Variants in TAF1A observed in about 807,000 individuals in gnomAD.
TAF1A encodes TATA-box binding protein associated factor, RNA polymerase I subunit A, also known as TATA box-binding protein-associated factor RNA polymerase I subunit A.
In TAF1A, 42 loss-of-function variants were observed where a neutral mutation model predicts 61.6. The ratio of observed to expected loss-of-function variants is 0.68; its 90% CI spans 0.53 to 0.88. The LOEUF is 0.88. Among genes scored for constraint, TAF1A ranks in the 40% least tolerant of loss-of-function variants. TAF1A has a pLI of 0.00. For missense variants in TAF1A, 424 were observed against 518.7 expected, an observed-to-expected ratio of 0.82 and a Z score of 1.77; for synonymous variants, 179 against 177.7, an observed-to-expected ratio of 1.01 and a Z score of -0.06.
chr1:222,583,276 G>A (rs1660865868), intron 3 of TAF1A, among the ~76,000 whole-genome samples: 1 of 152,142 alleles, frequency 6.6e-6, no homozygotes. Flanking sequence ...ACTGCAAGTG[G>A]GTACAGGGTT....
chr1:222,570,512 A>C, intron 6 of TAF1A, 23 bp downstream of exon 6: 3 of 1,586,066 alleles, frequency 1.9e-6, no homozygotes, highest in Non-Finnish European at 2.6e-6. Context: ...AAAACCAATA[A>C]ATTTAATGAA....
intron 2 of TAF1A, among the ~76,000 whole-genome samples, chr1:222,585,387 T>C (rs373367654): frequency 6.6e-6 from 1 of 151,818 alleles, no homozygotes; most frequent in South Asian, 2.1e-4. Flanking sequence ...TGTTTTCTCA[T>C]TCTAGAAATA....
At chr1:222,563,973 G>T in intron 8 of TAF1A, 86 bp downstream of exon 8, 1 of 786,096 alleles carries the variant, frequency 1.3e-6, no homozygotes, top group Non-Finnish European at 2.2e-6. Context: ...GGAAAGGGGT[G>T]GATTTAGCCG....
chr1:222,584,324 T>C (rs1660926241), intron 2 of TAF1A, 27 bp from the exon 3 acceptor site: 1 of 1,562,502 alleles, frequency 6.4e-7, no homozygotes, highest in Non-Finnish European at 8.6e-7. Context: ...GAAGAGAGTT[T>C]TTATCCAAGT....
intron 1 of TAF1A, among the ~76,000 whole-genome samples, chr1:222,588,988 A>G (rs960780779): frequency 6.6e-6 from 1 of 152,192 alleles, no homozygotes; most frequent in African/African-American, 2.4e-5. Flanking sequence ...GGTGGGTACT[A>G]TTACTTTCTT....
intron 9 of TAF1A, 55 bp from the exon 10 acceptor site, chr1:222,561,573 A>G: frequency 6.7e-7 from 1 of 1,490,520 alleles, no homozygotes; most frequent in Non-Finnish European, 9.0e-7. Context: ...AATCTATATT[A>G]TCAGAATTTA....
intron 5 of TAF1A, among the ~76,000 whole-genome samples, chr1:222,575,516 C>T (rs1210410331): frequency 1.3e-5 from 2 of 152,148 alleles, no homozygotes; most frequent in African/African-American, 4.8e-5. Context: ...GACAGCAAGA[C>T]TCTGCCTCAA....
downstream of TAF1A, among the ~76,000 whole-genome samples, chr1:222,555,078 A>C (rs1300519415): frequency 6.6e-6 from 1 of 152,212 alleles, no homozygotes; most frequent in East Asian, 1.9e-4. Context: ...CGGAAATGCT[A>C]ATCAAACCAG....
chr1:222,570,324 C>A (rs1365918148), intron 6 of TAF1A, among the ~76,000 whole-genome samples: 1 of 152,094 alleles, frequency 6.6e-6, no homozygotes. Context: ...TACAACTATA[C>A]TGCTATTTAT....
intron 1 of TAF1A, among the ~76,000 whole-genome samples, chr1:222,589,092 G>A (rs1393680409): frequency 6.6e-6 from 1 of 152,140 alleles, no homozygotes; most frequent in Non-Finnish European, 1.5e-5. Context: ...CTAGGAAATA[G>A]AACACCAAAC....
At chr1:222,588,863 T>C (rs1207762829) in intron 1 of TAF1A, among the ~76,000 whole-genome samples, 2 of 152,174 alleles carry the variant, frequency 1.3e-5, no homozygotes, top group African/African-American at 4.8e-5. Context: ...AAACGTATAA[T>C]AACAAAACAA....
intron 8 of TAF1A, 107 bp from the exon 9 acceptor site, chr1:222,563,403 T>C: frequency 8.2e-7 from 1 of 1,223,470 alleles, no homozygotes; most frequent in Non-Finnish European, 1.1e-6. Context: ...ACATATATGT[T>C]GTTGATAAAA....
At chr1:222,588,307 C>A (rs4525045) in intron 2 of TAF1A, 136 bp downstream of exon 2, 705,481 of 1,015,968 alleles carry the variant, frequency 0.69, 248,806 homozygotes, top group East Asian at 0.81. Context: ...AAAAAGATTT[C>A]TTTTGGCTTT....
In TAF1A at chr1:222,558,685, T is replaced by C. The variant is rs76003336; in HGVS notation, c.1328A>G (p.Tyr443Cys). 32,468 of 1,569,164 alleles carry C rather than the reference T, an allele frequency of 0.021. 432 individuals carry two copies. The highest frequency in any genetic ancestry group is 0.028 in the Middle Eastern group (166 of 5,870). Residue 443 changes from tyrosine (Y) to cysteine (C), a missense_variant, in exon 11 of 11, where the codon TAC becomes TGC. By Grantham distance (194) the Tyr-to-Cys change is radical (BLOSUM62 -2). Coordinates refer to ENST00000352967, the MANE Select transcript of TAF1A (RefSeq NM_005681.4). ...TCAGAGTCTTGGATTTACAATACTG[T>C]ATTTTTTCACAGATCTCTTCATCCG... is the stretch of plus-strand genomic sequence containing the variant. ...IKRMKRSVKKYSIVNPRL is the reference protein window; with the variant it reads ...IKRMKRSVKKCSIVNPRL
chr1:222,560,989 A>G (rs1659891456), intron 10 of TAF1A, among the ~76,000 whole-genome samples: 2 of 152,236 alleles, frequency 1.3e-5, no homozygotes, highest in Admixed American at 6.5e-5. Flanking sequence ...GTAAGTAAAT[A>G]TTAGTATAAT....
intron 7 of TAF1A, among the ~76,000 whole-genome samples, chr1:222,565,851 G>A (rs1660096453): frequency 6.6e-6 from 1 of 152,208 alleles, no homozygotes; most frequent in Non-Finnish European, 1.5e-5. Flanking sequence ...GGGCAACAGA[G>A]TGAGACCCTG....
At position 222,589,721 on chromosome 1, in the gene TAF1A, A is replaced by G; in HGVS notation, c.-3+6T>C. ...AGGAACCACGGGCGATATCTGCGGCACTTACCCGCCTAAATTTAGAGCTCC... is the reference window on the plus strand; with the variant it reads ...AGGAACCACGGGCGATATCTGCGGCGCTTACCCGCCTAAATTTAGAGCTCC... On this transcript the variant is annotated splice_donor_region_variant and intron_variant, in intron 1 of 10. Coordinates refer to ENST00000352967, the MANE Select transcript of TAF1A (RefSeq NM_005681.4). The G allele has an allele frequency of 4.3e-6, 1 of 230,034 alleles. No homozygotes were observed. Among genetic ancestry groups the G allele is most frequent in the Non-Finnish European group, 8.4e-6 (1 of 119,512 alleles). The allele number at this position is 230,034 out of a possible 1,614,324, so 14.2% of individuals were successfully genotyped here.
chr1:222,573,852 TTCA>T (rs1660458104), intron 5 of TAF1A, among the ~76,000 whole-genome samples: 1 of 152,134 alleles, frequency 6.6e-6, no homozygotes, highest in African/African-American at 2.4e-5. Flanking sequence ...AATCTAATTG[TTCA>T]TCAACTGATG....
downstream of TAF1A, among the ~76,000 whole-genome samples, chr1:222,555,222 C>T (rs929437290): frequency 6.6e-6 from 1 of 151,956 alleles, no homozygotes; most frequent in African/African-American, 2.4e-5. Context: ...TATGGAGGTT[C>T]CCCCAAAAAA....
Sources: allele counts gnomAD v4.1 joint callset (sites outside exome capture counted in the v4.1 genomes callset), GRCh38; gene constraint gnomAD v4.1.1; transcripts MANE v1.5; gene names NCBI Gene and HGNC (gene_info 2026-07-23, HGNC 2026-07-21).